Variants in TSPAN18 observed in about 807,000 individuals in gnomAD.
The protein encoded by TSPAN18 is tetraspanin 18, also known as tetraspanin-18.
Under a neutral mutation model 27.3 loss-of-function variants are expected in TSPAN18, and 14 were observed. That is an observed-to-expected ratio of 0.51 (90% confidence interval 0.34 to 0.80). TSPAN18 has a LOEUF of 0.80. Ranked by LOEUF, TSPAN18 falls within the 30% of genes least tolerant of loss-of-function variation. The pLI is 0.01. For synonymous variants in TSPAN18, 143 were observed against 136.5 expected, an observed-to-expected ratio of 1.05 and a Z score of -0.33; for missense variants, 268 against 323.9, an observed-to-expected ratio of 0.83 and a Z score of 1.32.
intron 2 of TSPAN18, among the ~76,000 whole-genome samples, chr11:44,816,224 G>A (rs1856816094): frequency 6.6e-6 from 1 of 152,234 alleles, no homozygotes; most frequent in Non-Finnish European, 1.5e-5. Flanking sequence ...CCTTCCAGGT[G>A]GATCAGCAAA....
intron 3 of TSPAN18, among the ~76,000 whole-genome samples, chr11:44,901,541 T>C (rs1859262812): frequency 2.6e-5 from 4 of 152,220 alleles, no homozygotes; most frequent in Admixed American, 2.6e-4. Flanking sequence ...CAAAGGCCCA[T>C]TCATCCAAGT....
intron 2 of TSPAN18, among the ~76,000 whole-genome samples, chr11:44,839,053 C>A (rs180733564): frequency 3.8e-4 from 58 of 152,290 alleles, no homozygotes; most frequent in African/African-American, 1.4e-3. Flanking sequence ...CTTATCCAAT[C>A]CGTTGGAAGG....
intron 2 of TSPAN18, among the ~76,000 whole-genome samples, chr11:44,814,483 TA>T (rs1856781091): frequency 6.6e-6 from 1 of 152,214 alleles, no homozygotes; most frequent in Admixed American, 6.5e-5. Context: ...AAGCATTGAC[TA>T]GTCCCAGTGC....
At chr11:44,923,454 C>T (rs1362353327) in intron 8 of TSPAN18, among the ~76,000 whole-genome samples, 1 of 152,110 alleles carries the variant, frequency 6.6e-6, no homozygotes, top group Non-Finnish European at 1.5e-5. Flanking sequence ...GGGAAACCGT[C>T]ACGGGGTGGA....
At chr11:44,732,696 G>T (rs549730441) in intron 1 of TSPAN18, among the ~76,000 whole-genome samples, 1 of 152,268 alleles carries the variant, frequency 6.6e-6, no homozygotes, top group East Asian at 1.9e-4. Context: ...AGCGGGGAAT[G>T]ATCTTATTAA....
At chr11:44,742,473 T>TTAGGA (rs1854967738) in intron 1 of TSPAN18, among the ~76,000 whole-genome samples, 3 of 151,876 alleles carry the variant, frequency 2.0e-5, no homozygotes, top group African/African-American at 4.8e-5. Context: ...AAGCTGAGGG[T>TTAGGA]CATCCATCCA....
chr11:44,900,995 G>A (rs189137500), intron 3 of TSPAN18, among the ~76,000 whole-genome samples: 9 of 152,182 alleles, frequency 5.9e-5, no homozygotes, highest in Middle Eastern at 3.4e-3. Flanking sequence ...GCGCCCGGCC[G>A]AGGAAGGCAT....
At chr11:44,907,923 C>T (rs956355858) in intron 4 of TSPAN18, among the ~76,000 whole-genome samples, 8 of 151,998 alleles carry the variant, frequency 5.3e-5, no homozygotes, top group Non-Finnish European at 7.4e-5. Flanking sequence ...TGCGTGGTAG[C>T]GGGTGCCTGT....
chr11:44,804,112 T>C (rs1481597504), intron 2 of TSPAN18, among the ~76,000 whole-genome samples: 1 of 152,064 alleles, frequency 6.6e-6, no homozygotes, highest in African/African-American at 2.4e-5. Flanking sequence ...TCTTTTTTTT[T>C]TCCCCCCAGA....
intron 1 of TSPAN18, among the ~76,000 whole-genome samples, chr11:44,752,361 C>T (rs1855230295): frequency 6.6e-6 from 1 of 152,166 alleles, no homozygotes; most frequent in Non-Finnish European, 1.5e-5. Context: ...CCCTTCTATT[C>T]AGCTCAGCAG....
intron 3 of TSPAN18, among the ~76,000 whole-genome samples, chr11:44,885,134 A>C (rs2135268233): frequency 6.6e-6 from 1 of 152,268 alleles, no homozygotes; most frequent in South Asian, 2.1e-4. Context: ...ATGGCCCCTT[A>C]TGGAAAAAGT....
chr11:44,836,541 T>A (rs1857267359), intron 2 of TSPAN18, among the ~76,000 whole-genome samples: 1 of 152,186 alleles, frequency 6.6e-6, no homozygotes, highest in South Asian at 2.1e-4. Flanking sequence ...CTAGAAGATC[T>A]AGCTAAGATC....
intron 1 of TSPAN18, among the ~76,000 whole-genome samples, chr11:44,743,138 C>T (rs1049944712): frequency 1.3e-5 from 2 of 151,468 alleles, no homozygotes; most frequent in Admixed American, 6.6e-5. Context: ...TCAACAAAAG[C>T]AGCACTTCCC....
chr11:44,792,901 C>T (rs1210586039), intron 2 of TSPAN18, among the ~76,000 whole-genome samples: 2 of 152,132 alleles, frequency 1.3e-5, no homozygotes, highest in Non-Finnish European at 2.9e-5. Context: ...ATGGGGAAGC[C>T]ACAGGAGCTG....
chr11:44,765,325 C>T (rs1295411297), intron 2 of TSPAN18, among the ~76,000 whole-genome samples: 1 of 152,102 alleles, frequency 6.6e-6, no homozygotes, highest in Non-Finnish European at 1.5e-5. Context: ...TTGTGGAAGG[C>T]CATGGAGAGG....
intron 1 of TSPAN18, among the ~76,000 whole-genome samples, chr11:44,760,494 G>A (rs1297863173): frequency 6.6e-6 from 1 of 152,142 alleles, no homozygotes; most frequent in African/African-American, 2.4e-5. Flanking sequence ...ATTCAGTGGG[G>A]TATATATTCA....
At chr11:44,807,501 A>G (rs1856623944) in intron 2 of TSPAN18, among the ~76,000 whole-genome samples, 1 of 141,052 alleles carries the variant, frequency 7.1e-6, no homozygotes, top group South Asian at 2.4e-4. Flanking sequence ...GCACTCCAGC[A>G]TAGGCACAAG....
chr11:44,754,712 CTG>C (rs913585709), intron 1 of TSPAN18, among the ~76,000 whole-genome samples: 4 of 152,198 alleles, frequency 2.6e-5, no homozygotes, highest in Admixed American at 6.5e-5. Flanking sequence ...GGCTCTGTGA[CTG>C]TGGTTAAGAT....
chr11:44,738,694 G>T (rs1854857871), intron 1 of TSPAN18, among the ~76,000 whole-genome samples: 1 of 152,144 alleles, frequency 6.6e-6, no homozygotes, highest in South Asian at 2.1e-4. Context: ...AAGAATACCA[G>T]TCAGATTGGA....
Sources: gnomAD v4.1 joint callset for allele counts (sites outside exome capture counted in the v4.1 genomes callset) on GRCh38, gnomAD v4.1.1 for gene constraint, MANE v1.5 for transcripts, NCBI Gene and HGNC (gene_info 2026-07-23, HGNC 2026-07-21) for gene names.